Variants in BAG3 observed in about 807,000 individuals in gnomAD.
BAG3 encodes the protein BAG family molecular chaperone regulator 3.
Under a neutral mutation model 40.5 loss-of-function variants are expected in BAG3, and 14 were observed. The observed-to-expected ratio is 0.35, with a 90% CI of 0.23 to 0.54. BAG3 has a LOEUF of 0.54. Among genes scored for constraint, BAG3 ranks in the 20% least tolerant of loss-of-function variants. The pLI is 0.91. For synonymous variants in BAG3, 302 were observed against 307.8 expected, an observed-to-expected ratio of 0.98 and a Z score of 0.20; for missense variants, 788 against 758.6, an observed-to-expected ratio of 1.04 and a Z score of -0.46.
chr10:119,669,473 C>G (rs1350348806), intron 1 of BAG3, among the ~76,000 whole-genome samples: 1 of 152,204 alleles, frequency 6.6e-6, no homozygotes, highest in African/African-American at 2.4e-5. Flanking sequence ...GAGGTTGGAG[C>G]TGACCCCTGC....
rs998256411 is a variant in BAG3 at position 119,651,397 on chromosome 10, G to A, written c.-279G>A. The A allele has an allele frequency of 9.2e-6, 3 of 324,708 alleles. No individual in the cohort carries two copies. Among genetic ancestry groups the A allele is most frequent in the Non-Finnish European group, 1.7e-5 (3 of 180,296 alleles). 20.1% of individuals were successfully genotyped at this position (324,708 alleles called of 1,614,324 possible). ...GGAGCTCCGCATCCAACCCCGGGCC[G>A]CGGCCAACTTCTCTGGACTGGACCA... On this transcript the variant is annotated 5_prime_UTR_variant, in exon 1 of 4. Transcript: ENST00000369085.
rs761727804 is a variant in BAG3, at chr10:119,676,783, CAGG to C, written c.1232_1234del (p.Gly411del). On this transcript the variant is annotated inframe_deletion, in exon 4 of 4. Transcript: ENST00000369085. ...CCTGCAGAAGCTACACCTCCAAAAC[CAGG>C]AGAAGCCGAGGCTCCCCCAAAACAT... 58 of 1,614,200 alleles carry C rather than the reference CAGG, an allele frequency of 3.6e-5. No individual in the cohort carries two copies. The African/African-American group carries it at 5.9e-4, about 16-fold the overall frequency.
At chr10:119,657,505 G>A in intron 1 of BAG3, 1 of 470,956 alleles carries the variant, frequency 2.1e-6, no homozygotes, top group Non-Finnish European at 4.4e-6. Context: ...GTGGAGAAGG[G>A]TAGAACATGG....
In BAG3 at chr10:119,651,548, G is replaced by T. The variant is rs543269835; in HGVS notation, c.-128G>T. 7.1e-5 allele frequency: 62 copies of T among 870,240 alleles called. No homozygotes were observed. In the East Asian group the frequency reaches 1.7e-3, roughly 24 times the overall value. The allele number at this position is 870,240 out of a possible 1,614,324, so 53.9% of individuals were successfully genotyped here. On this transcript the variant is annotated 5_prime_UTR_variant, in exon 1 of 4. Transcript: ENST00000369085. ...TCACCCCCGCCTTTAATTCATAAAG[G>T]TGCCCGGCGCCGGCTTCCCGGACAC... is the stretch of plus-strand genomic sequence containing the variant.
chr10:119,669,691 G>GT (rs1448996552), intron 1 of BAG3, among the ~76,000 whole-genome samples, 160 bp from the exon 2 acceptor site: 1 of 152,214 alleles, frequency 6.6e-6, no homozygotes, highest in African/African-American at 2.4e-5. Context: ...CCTCTATGGG[G>GT]TGGGGGGTTT....
intron 1 of BAG3, among the ~76,000 whole-genome samples, chr10:119,665,720 TATTC>T (rs1278828001): frequency 1.3e-5 from 2 of 152,218 alleles, no homozygotes; most frequent in African/African-American, 4.8e-5. Context: ...TCATTGGAAT[TATTC>T]ATTCATGTAG....
At chr10:119,674,333 G>A (rs1470215293) in intron 3 of BAG3, among the ~76,000 whole-genome samples, 1 of 152,172 alleles carries the variant, frequency 6.6e-6, no homozygotes, top group African/African-American at 2.4e-5. Context: ...CAGCTACATC[G>A]ATCCATACTT....
At chr10:119,661,348 G>A (rs3892879) in intron 1 of BAG3, among the ~76,000 whole-genome samples, 33,410 of 152,046 alleles carry the variant, frequency 0.22, 3,850 homozygotes, top group Non-Finnish European at 0.26. Context: ...ACCTTATTTC[G>A]TACCTTATTT....
chr10:119,675,151 G>A (rs1234489740), intron 3 of BAG3, among the ~76,000 whole-genome samples: 1 of 152,190 alleles, frequency 6.6e-6, no homozygotes, highest in Admixed American at 6.5e-5. Context: ...GGGCAGCATG[G>A]TGAAACCCTG....
At chr10:119,665,092 TTGTGTGTGTGTGTGTG>T (rs1554876557) in intron 1 of BAG3, among the ~76,000 whole-genome samples, 11 of 87,968 alleles carry the variant, frequency 1.3e-4, no homozygotes, top group Non-Finnish European at 2.3e-4. Context: ...TAATTTTTGT[TTGTGTGTGTGTGTGTG>T]TGTGTGTGTG....
At chr10:119,661,164 G>A (rs1415066666) in intron 1 of BAG3, among the ~76,000 whole-genome samples, 1 of 152,186 alleles carries the variant, frequency 6.6e-6, no homozygotes, top group Non-Finnish European at 1.5e-5. Flanking sequence ...GGAGGCTGAG[G>A]CATGAGAATT....
intron 1 of BAG3, 60 bp downstream of exon 1, chr10:119,651,915 G>T: frequency 2.1e-6 from 3 of 1,423,652 alleles, no homozygotes; most frequent in Non-Finnish European, 1.9e-6. Flanking sequence ...AGGCGGCGGG[G>T]AGTGGGCTGG....
At chr10:119,676,063 C>T (rs1245811497) in intron 3 of BAG3, among the ~76,000 whole-genome samples, 1 of 149,908 alleles carries the variant, frequency 6.7e-6, no homozygotes, top group East Asian at 2.0e-4. Context: ...GTAGCTGGGA[C>T]TACGAGTGCA....
At chr10:119,659,189 G>A (rs1425811178) in intron 1 of BAG3, among the ~76,000 whole-genome samples, 1 of 152,236 alleles carries the variant, frequency 6.6e-6, no homozygotes, top group Non-Finnish European at 1.5e-5. Flanking sequence ...TGACCCAGCT[G>A]CCAGACCCTG....
In BAG3 at chr10:119,651,798, C is replaced by A; in HGVS notation, c.123C>A (p.Asp41Glu). ...DPQTGWPFFV[D>E]HNSRTTTWND... ...AGACCGGCTGGCCCTTCTTCGTGGA[C>A]CACAACAGCCGCACCACTACGTGGA... is the stretch of plus-strand genomic sequence containing the variant. Residue 41 changes from aspartate (D) to glutamate (E), a missense_variant, in exon 1 of 4, where the codon GAC (aspartate) becomes GAA (glutamate). Asp to Glu is a conservative substitution (Grantham distance 45, BLOSUM62 2). Transcript: ENST00000369085. The A allele has an allele frequency of 6.2e-7, 1 of 1,601,348 alleles. No individual in the cohort carries two copies. Among genetic ancestry groups the A allele is most frequent in the Non-Finnish European group, 8.5e-7 (1 of 1,174,694 alleles).
intron 1 of BAG3, among the ~76,000 whole-genome samples, chr10:119,655,569 C>T (rs1404823921): frequency 2.0e-5 from 3 of 152,126 alleles, no homozygotes; most frequent in Non-Finnish European, 4.4e-5. Flanking sequence ...AGATCTATTG[C>T]AAGCTGTTAT....
intron 1 of BAG3, among the ~76,000 whole-genome samples, chr10:119,665,933 G>C (rs1266632200): frequency 6.6e-6 from 1 of 152,116 alleles, no homozygotes; most frequent in Non-Finnish European, 1.5e-5. Context: ...CCAAGCCCAG[G>C]AATACAGACC....
In BAG3 at chr10:119,676,660, C is replaced by G; in HGVS notation, c.1106C>G (p.Ala369Gly). 1.9e-6 allele frequency: 3 copies of G among 1,614,178 alleles called. No homozygotes were observed. Among genetic ancestry groups the G allele is most frequent in the Non-Finnish European group, 2.5e-6 (3 of 1,180,028 alleles). ...AAGGTAGAGGTGAAAGTTCCCCCTG[C>G]TCCAGTTCCTTGTCCTCCTCCCAGC... ...SEKVEVKVPP[A>G]PVPCPPPSPG... is the part of the protein sequence containing the mutation. The change falls in exon 4 of 4, where the codon GCT becomes GGT. Residue 369 changes from alanine (A) to glycine (G), a missense_variant. Transcript: ENST00000369085.
At chr10:119,668,090 G>A (rs1004899074) in intron 1 of BAG3, among the ~76,000 whole-genome samples, 11 of 152,184 alleles carry the variant, frequency 7.2e-5, no homozygotes, top group African/African-American at 2.2e-4. Context: ...ATGTAATGCC[G>A]CCGCCCTGAG....
Sources: gnomAD v4.1 joint callset for allele counts (sites outside exome capture counted in the v4.1 genomes callset) on GRCh38, gnomAD v4.1.1 for gene constraint, MANE v1.5 for transcripts, NCBI Gene and HGNC (gene_info 2026-07-23, HGNC 2026-07-21) for gene names.